NCOA1: variants seen among roughly 807,000 people sequenced by gnomAD.
NCOA1 encodes the protein Hin-2 protein.
In NCOA1, 35 loss-of-function variants were observed where a neutral mutation model predicts 150.9. The observed-to-expected ratio is 0.23, with a 90% CI of 0.18 to 0.31. The LOEUF (loss-of-function observed/expected upper bound fraction) is 0.31, where lower values mean the gene tolerates loss of function less well. Ranked by LOEUF, NCOA1 falls within the 10% of genes least tolerant of loss-of-function variation. NCOA1 has a pLI of 1.00. For missense variants in NCOA1, 1,491 were observed against 1,749.3 expected, an observed-to-expected ratio of 0.85 and a Z score of 2.63; for synonymous variants, 590 against 630.0, an observed-to-expected ratio of 0.94 and a Z score of 0.95.
chr2:24,491,486 G>GCGCCT lies in NCOA1; in HGVS notation c.-512_-511insCGCCT. On this transcript the variant is annotated 5_prime_UTR_variant, in exon 1 of 23. Transcript: ENST00000348332. ...CGGGGGGACCCCTGCTCCGGAGGAGGGGGCCGGAGAGCCGCGGCGCCGGGC... is the reference window on the plus strand; with the variant it reads ...CGGGGGGACCCCTGCTCCGGAGGAGGCGCCTGGGCCGGAGAGCCGCGGCGCCGGGC... Among the ~76,000 whole-genome samples the GCGCCT allele has an allele frequency of 1.3e-3, 1 of 788 alleles. No individual in the cohort carries two copies. Among genetic ancestry groups the GCGCCT allele is most frequent in the Non-Finnish European group, 3.2e-3 (1 of 316 alleles). The allele number at this position is 788 out of a possible 152,430, so 0.5% of individuals were successfully genotyped here.
chr2:24,565,761 G>A (rs1160543064), intron 2 of NCOA1, among the ~76,000 whole-genome samples: 1 of 152,200 alleles, frequency 6.6e-6, no homozygotes, highest in Admixed American at 6.5e-5. Context: ...GTGGGGTCTG[G>A]CCACTGTGCA....
chr2:24,585,214 C>A (rs1223623097), intron 3 of NCOA1, among the ~76,000 whole-genome samples: 1 of 152,046 alleles, frequency 6.6e-6, no homozygotes. Flanking sequence ...TAATTTGTTT[C>A]TTTGTTGTAT....
At chr2:24,719,023 T>C in intron 14 of NCOA1, among the ~76,000 whole-genome samples, 1 of 102,000 alleles carries the variant, frequency 9.8e-6, no homozygotes, top group African/African-American at 4.0e-5. Flanking sequence ...AGTGAGACTC[T>C]GTCCCAAAAA....
intron 13 of NCOA1, among the ~76,000 whole-genome samples, chr2:24,709,959 C>G (rs1389125371): frequency 1.1e-4 from 16 of 152,040 alleles, no homozygotes; most frequent in Admixed American, 9.8e-4. Flanking sequence ...TTCAGTTGAA[C>G]TAGATAATGA....
Position 24,508,802 on chromosome 2 carries a change from A to G in NCOA1, c.-396+17200A>G, listed in dbSNP as rs117424368. On this transcript the variant is annotated intron_variant, in intron 1 of 22. Coordinates refer to ENST00000348332, the MANE Select transcript of NCOA1 (RefSeq NM_003743.5). The stretch of plus-strand genomic sequence containing the variant: ...ATGTTATTTTTTTGGTGGGGGGAGG[A>G]CAAGACAACTTTATAGATAGTATTG... 5.2e-3 allele frequency among the ~76,000 whole-genome samples: 798 copies of G among 152,282 alleles called. 10 individuals carry two copies. Among genetic ancestry groups the G allele is most frequent in the Admixed American group, 0.026 (403 of 15,284 alleles).
At chr2:24,574,851 C>T (rs532536561) in intron 2 of NCOA1, among the ~76,000 whole-genome samples, 41 of 152,250 alleles carry the variant, frequency 2.7e-4, no homozygotes, top group Admixed American at 1.4e-3. Flanking sequence ...AGTTTGCTCT[C>T]ATGCATACCT....
chr2:24,708,370 C>G (rs908434849), intron 13 of NCOA1, among the ~76,000 whole-genome samples: 3 of 152,140 alleles, frequency 2.0e-5, no homozygotes, highest in African/African-American at 7.2e-5. Context: ...TCATCTGATT[C>G]TGACCACCCT....
At chr2:24,616,646 TAA>T (rs1402571829) in intron 3 of NCOA1, among the ~76,000 whole-genome samples, 1 of 152,198 alleles carries the variant, frequency 6.6e-6, no homozygotes, top group African/African-American at 2.4e-5. Flanking sequence ...TGACTTGATA[TAA>T]GAGTACACTT....
intron 3 of NCOA1, among the ~76,000 whole-genome samples, chr2:24,635,257 T>C (rs1669890716): frequency 6.6e-6 from 1 of 152,148 alleles, no homozygotes; most frequent in African/African-American, 2.4e-5. Context: ...CATTTGCATA[T>C]CTTTTTTGAA....
intron 3 of NCOA1, among the ~76,000 whole-genome samples, chr2:24,636,929 A>G (rs1669961556): frequency 6.6e-6 from 1 of 151,924 alleles, no homozygotes; most frequent in Non-Finnish European, 1.5e-5. Context: ...TAATTTTTAA[A>G]TTGACAAATA....
chr2:24,700,418 A>G (rs954215888), intron 11 of NCOA1, among the ~76,000 whole-genome samples: 3 of 152,128 alleles, frequency 2.0e-5, no homozygotes, highest in Non-Finnish European at 4.4e-5. Context: ...CTTTGATGGC[A>G]GCAACTAGTC....
intron 7 of NCOA1, among the ~76,000 whole-genome samples, chr2:24,677,357 C>A (rs1160569393): frequency 3.3e-5 from 5 of 151,908 alleles, no homozygotes; most frequent in South Asian, 4.2e-4. Flanking sequence ...AACAAAAAAA[C>A]AAACAAACAA....
At chr2:24,521,518 T>C (rs1664416950) in intron 1 of NCOA1, among the ~76,000 whole-genome samples, 1 of 152,216 alleles carries the variant, frequency 6.6e-6, no homozygotes, top group Non-Finnish European at 1.5e-5. Flanking sequence ...TTATTTCACT[T>C]GGCATAAAGT....
chr2:24,540,539 A>G (rs1039744348), intron 1 of NCOA1, among the ~76,000 whole-genome samples: 1 of 151,792 alleles, frequency 6.6e-6, no homozygotes, highest in African/African-American at 2.4e-5. Context: ...GCTCACTGCA[A>G]CCTCTGCCTC....
At chr2:24,596,959 T>C (rs1000274128) in intron 3 of NCOA1, among the ~76,000 whole-genome samples, 1 of 152,208 alleles carries the variant, frequency 6.6e-6, no homozygotes, top group Non-Finnish European at 1.5e-5. Context: ...TAAGATTCCT[T>C]AGCCAGTTCA....
chr2:24,682,334 C>T (rs933430008), intron 7 of NCOA1, among the ~76,000 whole-genome samples: 8 of 152,076 alleles, frequency 5.3e-5, no homozygotes, highest in African/African-American at 1.9e-4. Flanking sequence ...CTGTCTGCAC[C>T]GAGTCAGGCA....
intron 5 of NCOA1, among the ~76,000 whole-genome samples, chr2:24,661,215 T>C (rs1252584442): frequency 6.6e-6 from 1 of 152,200 alleles, no homozygotes; most frequent in African/African-American, 2.4e-5. Context: ...TTTGCCAGTC[T>C]AATGGGTGTG....
intron 7 of NCOA1, among the ~76,000 whole-genome samples, chr2:24,673,948 A>G (rs1033805415): frequency 1.3e-5 from 2 of 152,204 alleles, no homozygotes; most frequent in Admixed American, 1.3e-4. Context: ...CAAACTTTGT[A>G]ATGTGAAGAA....
intron 1 of NCOA1, among the ~76,000 whole-genome samples, chr2:24,540,381 G>A (rs1033535755): frequency 6.6e-6 from 1 of 151,934 alleles, no homozygotes; most frequent in Admixed American, 6.6e-5. Context: ...GAAAAATATA[G>A]TTGTTGAAAT....
Sources: allele counts gnomAD v4.1 joint callset (sites outside exome capture counted in the v4.1 genomes callset), GRCh38; gene constraint gnomAD v4.1.1; transcripts MANE v1.5; gene names NCBI Gene and HGNC (gene_info 2026-07-23, HGNC 2026-07-21).